Variants in SGCZ observed in about 807,000 individuals in gnomAD.
SGCZ encodes sarcoglycan zeta, also known as zeta-sarcoglycan.
SGCZ carries 40 observed loss-of-function variants against 41.3 expected under a neutral mutation model. The ratio of observed to expected loss-of-function variants is 0.97; its 90% CI spans 0.75 to 1.26. The LOEUF (loss-of-function observed/expected upper bound fraction) is 1.26, where lower values mean the gene tolerates loss of function less well. Ranked by LOEUF, SGCZ falls within the 50% of genes most tolerant of loss-of-function variation. The pLI, the probability that SGCZ is intolerant of heterozygous loss-of-function variation, is 0.00. For missense variants in SGCZ, 552 were observed against 369.8 expected (o/e 1.49, Z -4.04); for synonymous variants, 206 against 137.5 (o/e 1.50, Z -3.49).
intron 1 of SGCZ, among the ~76,000 whole-genome samples, chr8:14,806,812 C>T (rs1801546027): frequency 1.3e-5 from 2 of 152,054 alleles, no homozygotes; most frequent in African/African-American, 2.4e-5. Context: ...CCTTGATGAA[C>T]ATTGATGCAA....
chr8:14,796,316 C>G (rs1801127479), intron 1 of SGCZ, among the ~76,000 whole-genome samples: 1 of 152,092 alleles, frequency 6.6e-6, no homozygotes, highest in South Asian at 2.1e-4. Flanking sequence ...GAGACAGAAT[C>G]TATGTTGTCC....
intron 1 of SGCZ, among the ~76,000 whole-genome samples, chr8:14,741,495 A>G (rs954535790): frequency 1.3e-5 from 2 of 152,060 alleles, no homozygotes; most frequent in Non-Finnish European, 2.9e-5. Context: ...AGTAGTTTTA[A>G]GCATTTTAGC....
At chr8:14,380,241 T>C (rs1464198638) in intron 2 of SGCZ, among the ~76,000 whole-genome samples, 1 of 152,198 alleles carries the variant, frequency 6.6e-6, no homozygotes, top group Non-Finnish European at 1.5e-5. Flanking sequence ...GTTTTGGTTA[T>C]TATAGTACAG....
chr8:14,628,336 T>C (rs569837215), intron 1 of SGCZ, among the ~76,000 whole-genome samples: 1 of 137,056 alleles, frequency 7.3e-6, no homozygotes, highest in African/African-American at 2.6e-5. Flanking sequence ...AAGAAAATAT[T>C]ACAGCTGATA....
chr8:14,588,574 A>G (rs1289089883), intron 1 of SGCZ, among the ~76,000 whole-genome samples: 5 of 152,144 alleles, frequency 3.3e-5, no homozygotes, highest in Admixed American at 3.3e-4. Context: ...AGCAAATAGA[A>G]TGTTTAAACT....
chr8:15,049,362 G>T (rs1163167044), intron 1 of SGCZ, among the ~76,000 whole-genome samples: 1 of 152,110 alleles, frequency 6.6e-6, no homozygotes, highest in Non-Finnish European at 1.5e-5. Context: ...TAGAAGAGAG[G>T]GAAGAGCAAG....
intron 7 of SGCZ, among the ~76,000 whole-genome samples, chr8:14,102,083 T>TAC (rs1802041505): frequency 1.0e-5 from 1 of 96,208 alleles, no homozygotes. Context: ...ACTTTATATA[T>TAC]ATATATATAT....
intron 1 of SGCZ, among the ~76,000 whole-genome samples, chr8:14,814,999 T>G (rs1801860015): frequency 6.6e-6 from 1 of 152,180 alleles, no homozygotes; most frequent in African/African-American, 2.4e-5. Context: ...CTGCCTCCAT[T>G]TTTTCTTGTT....
intron 1 of SGCZ, among the ~76,000 whole-genome samples, chr8:14,944,325 G>C (rs765109491): frequency 6.6e-6 from 1 of 152,170 alleles, no homozygotes; most frequent in Non-Finnish European, 1.5e-5. Flanking sequence ...ATGTGGCTTT[G>C]TTGAATATTT....
chr8:15,207,448 A>C (rs1326992722), intron 1 of SGCZ, among the ~76,000 whole-genome samples: 1 of 152,204 alleles, frequency 6.6e-6, no homozygotes, highest in African/African-American at 2.4e-5. Context: ...ACAAAAGAAT[A>C]ATCAAAGAAA....
intron 5 of SGCZ, among the ~76,000 whole-genome samples, chr8:14,147,672 A>G (rs995266271): frequency 6.6e-6 from 1 of 152,200 alleles, no homozygotes; most frequent in African/African-American, 2.4e-5. Flanking sequence ...GAAAATAAAG[A>G]AGCATCTGAC....
intron 2 of SGCZ, among the ~76,000 whole-genome samples, chr8:14,526,217 T>C (rs1802945205): frequency 6.6e-6 from 1 of 152,126 alleles, no homozygotes; most frequent in Non-Finnish European, 1.5e-5. Flanking sequence ...AGTGTAATAT[T>C]TGACAGCAAT....
intron 1 of SGCZ, among the ~76,000 whole-genome samples, chr8:14,933,417 T>C (rs1799979253): frequency 6.8e-6 from 1 of 146,528 alleles, no homozygotes; most frequent in East Asian, 2.1e-4. Context: ...TTTTATTCCA[T>C]ATACTTTTTT....
At chr8:14,405,286 TTA>T (rs1304365054) in intron 2 of SGCZ, among the ~76,000 whole-genome samples, 1 of 152,200 alleles carries the variant, frequency 6.6e-6, no homozygotes, top group Non-Finnish European at 1.5e-5. Flanking sequence ...TAGTTAAGCT[TTA>T]TATGTTATTT....
At chr8:14,104,340 G>T (rs1053923965) in intron 6 of SGCZ, among the ~76,000 whole-genome samples, 1 of 151,780 alleles carries the variant, frequency 6.6e-6, no homozygotes, top group Admixed American at 6.6e-5. Flanking sequence ...CTACCACCTG[G>T]TTTTTCAAAG....
chr8:14,158,004 A>C (rs967535447), intron 5 of SGCZ, among the ~76,000 whole-genome samples: 3 of 152,164 alleles, frequency 2.0e-5, no homozygotes, highest in African/African-American at 7.2e-5. Flanking sequence ...CAACATGGTG[A>C]AACCCCCGTC....
At chr8:14,772,739 C>A (rs1800287625) in intron 1 of SGCZ, among the ~76,000 whole-genome samples, 1 of 151,936 alleles carries the variant, frequency 6.6e-6, no homozygotes, top group Non-Finnish European at 1.5e-5. Context: ...CATCCATGTC[C>A]CTACAAAGGA....
intron 1 of SGCZ, among the ~76,000 whole-genome samples, chr8:15,196,719 T>C (rs1002663351): frequency 2.6e-5 from 4 of 152,236 alleles, no homozygotes; most frequent in African/African-American, 4.8e-5. Context: ...TGTGCCATGC[T>C]GGTGCGCTGC....
intron 2 of SGCZ, among the ~76,000 whole-genome samples, chr8:14,548,608 G>C (rs1403445163): frequency 6.6e-6 from 1 of 152,056 alleles, no homozygotes; most frequent in Non-Finnish European, 1.5e-5. Context: ...TTTTATCCCT[G>C]TGAGCTATTT....
Sources: allele counts gnomAD v4.1 joint callset (sites outside exome capture counted in the v4.1 genomes callset), GRCh38; gene constraint gnomAD v4.1.1; transcripts MANE v1.5; gene names NCBI Gene and HGNC (gene_info 2026-07-23, HGNC 2026-07-21).